The following ARHGAP15 variants were observed in gnomAD, a reference collection of about 807,000 sequenced individuals.
ARHGAP15 encodes rho GTPase-activating protein 15.
Under a neutral mutation model 63.7 loss-of-function variants are expected in ARHGAP15, and 51 were observed. That is an observed-to-expected ratio of 0.80 (90% CI 0.64 to 1.01). ARHGAP15 has a LOEUF of 1.01. Ranked by LOEUF, ARHGAP15 falls within the 50% of genes least tolerant of loss-of-function variation. The pLI, the probability that ARHGAP15 is intolerant of heterozygous loss-of-function variation, is 0.00. For missense variants in ARHGAP15, 560 were observed against 564.6 expected, an observed-to-expected ratio of 0.99 and a Z score of 0.08; for synonymous variants, 191 against 193.8, an observed-to-expected ratio of 0.99 and a Z score of 0.12.
intron 11 of ARHGAP15, among the ~76,000 whole-genome samples, chr2:143,563,542 A>G (rs1696108039): frequency 6.6e-6 from 1 of 152,212 alleles, no homozygotes; most frequent in Admixed American, 6.5e-5. Context: ...CTTCATGTTC[A>G]TTGGAGAAGG....
chr2:143,145,839 GGTGTGTGTGTGTGT>G (rs4008348), intron 1 of ARHGAP15, among the ~76,000 whole-genome samples: 47 of 142,822 alleles, frequency 3.3e-4, no homozygotes, highest in Non-Finnish European at 5.3e-4. Flanking sequence ...TATGTATAGG[GGTGTGTGTGTGTGT>G]GTGTGTGTGT....
At chr2:143,737,719 CTATTTATTTTATTTATT>C (rs1174783144) in intron 13 of ARHGAP15, among the ~76,000 whole-genome samples, 1 of 146,796 alleles carries the variant, frequency 6.8e-6, no homozygotes, top group African/African-American at 2.6e-5. Context: ...CTTTTGAAAC[CTATTTATTTTATTTATT>C]TATTTATTTA....
intron 6 of ARHGAP15, among the ~76,000 whole-genome samples, chr2:143,412,478 T>C (rs186225049): frequency 6.6e-6 from 1 of 152,316 alleles, no homozygotes; most frequent in African/African-American, 2.4e-5. Flanking sequence ...CAAATTGTTA[T>C]TGAGGATGAG....
At chr2:143,346,162 ACACACACACACTCTCTCTCT>A (rs1399821631) in intron 6 of ARHGAP15, among the ~76,000 whole-genome samples, 5 of 110,864 alleles carry the variant, frequency 4.5e-5, no homozygotes, top group South Asian at 2.5e-4. Flanking sequence ...GAGCACACAC[ACACACACACACTCTCTCTCT>A]CACACACACA....
intron 9 of ARHGAP15, among the ~76,000 whole-genome samples, chr2:143,509,810 C>T (rs1037477917): frequency 6.6e-6 from 1 of 151,922 alleles, no homozygotes; most frequent in Admixed American, 6.6e-5. Context: ...ATCACGAGCT[C>T]GGGAGCTCGA....
At chr2:143,248,624 A>G (rs1379861240) in intron 5 of ARHGAP15, among the ~76,000 whole-genome samples, 6 of 152,300 alleles carry the variant, frequency 3.9e-5, no homozygotes, top group Admixed American at 1.3e-4. Context: ...TACCTCATAC[A>G]GTTGTGAATG....
intron 1 of ARHGAP15, among the ~76,000 whole-genome samples, chr2:143,153,843 T>TTCTTCTTCCTCTTCC: frequency 1.2e-5 from 1 of 86,892 alleles, no homozygotes; most frequent in African/African-American, 4.8e-5. Flanking sequence ...CTTCTTCTTC[T>TTCTTCTTCCTCTTCC]TCCTCCTCCT....
At position 143,768,238 on chromosome 2, in the gene ARHGAP15, A is replaced by AAAC; in HGVS notation, c.*68_*70dup. 1 of 1,471,162 alleles carries AAAC rather than the reference A, an allele frequency of 6.8e-7. No individual in the cohort carries two copies. Among genetic ancestry groups the AAAC allele is most frequent in the Admixed American group, 2.4e-5 (1 of 42,230 alleles). The allele number at this position is 1,471,162 out of a possible 1,614,324, so 91.1% of individuals were successfully genotyped here. On this transcript the variant is annotated 3_prime_UTR_variant, in exon 14 of 14. Transcript: ENST00000295095. ...ATGCCTAATATTTTTACATTTCTGT[A>AAAC]AACATATTTCTGAAATATTTTTTGC...
At chr2:143,639,611 C>A (rs1680509761) in intron 12 of ARHGAP15, among the ~76,000 whole-genome samples, 1 of 152,082 alleles carries the variant, frequency 6.6e-6, no homozygotes, top group African/African-American at 2.4e-5. Flanking sequence ...AAAGAAGGCA[C>A]TATGTCCTTA....
intron 2 of ARHGAP15, among the ~76,000 whole-genome samples, chr2:143,172,410 G>A (rs575153513): frequency 6.6e-6 from 1 of 152,174 alleles, no homozygotes; most frequent in Admixed American, 6.6e-5. Context: ...AGGATTTTAA[G>A]CACATAAGTC....
intron 6 of ARHGAP15, among the ~76,000 whole-genome samples, chr2:143,294,209 T>C (rs982580750): frequency 1.3e-5 from 2 of 152,070 alleles, no homozygotes; most frequent in Admixed American, 1.3e-4. Context: ...CACCAACCTA[T>C]TATGCAAGCG....
intron 8 of ARHGAP15, among the ~76,000 whole-genome samples, chr2:143,467,408 C>A (rs1380631973): frequency 6.6e-6 from 1 of 151,750 alleles, no homozygotes; most frequent in African/African-American, 2.4e-5. Context: ...GTTAGACTTT[C>A]AATTATTTGG....
intron 10 of ARHGAP15, among the ~76,000 whole-genome samples, chr2:143,536,951 C>T (rs552314742): frequency 1.3e-4 from 20 of 151,942 alleles, no homozygotes; most frequent in South Asian, 4.2e-4. Context: ...ATCACCACAC[C>T]GACTTCCACA....
chr2:143,217,672 C>A lies in ARHGAP15; in HGVS notation c.296+1227C>A, dbSNP rs563585631. On this transcript the variant is annotated intron_variant, in intron 4 of 13. Transcript: ENST00000295095. ...CTTTGAGTAGCCCAGCCCGAGTGCT[C>A]TCCTTTCCCCTAAACCTTATCATGA... is the stretch of plus-strand genomic sequence containing the variant. Among the ~76,000 whole-genome samples, 10 of 152,260 alleles carry A rather than the reference C, an allele frequency of 6.6e-5. No individual in the cohort carries two copies. The East Asian group carries it at 1.9e-3, about 29-fold the overall frequency.
intron 6 of ARHGAP15, among the ~76,000 whole-genome samples, chr2:143,379,174 C>T (rs1163384605): frequency 3.9e-5 from 6 of 151,964 alleles, no homozygotes; most frequent in Non-Finnish European, 1.5e-5. Flanking sequence ...CTTCCATGTA[C>T]ATGACTAAAC....
intron 6 of ARHGAP15, among the ~76,000 whole-genome samples, chr2:143,423,121 G>A (rs1400886087): frequency 6.6e-6 from 1 of 152,108 alleles, no homozygotes. Context: ...GGGGCCCATG[G>A]AAGAGGTATT....
chr2:143,287,893 T>C (rs1682191042), intron 6 of ARHGAP15, among the ~76,000 whole-genome samples: 1 of 152,206 alleles, frequency 6.6e-6, no homozygotes, highest in Non-Finnish European at 1.5e-5. Flanking sequence ...ATCTCACCCC[T>C]GCAGGCTATG....
chr2:143,504,091 GA>G (rs1427256869), intron 9 of ARHGAP15, among the ~76,000 whole-genome samples: 6 of 152,130 alleles, frequency 3.9e-5, no homozygotes, highest in Non-Finnish European at 5.9e-5. Flanking sequence ...AAAAATGGGT[GA>G]GACATTTGAG....
chr2:143,458,248 TAATC>T (rs1245798402), intron 8 of ARHGAP15, among the ~76,000 whole-genome samples: 29 of 152,136 alleles, frequency 1.9e-4, no homozygotes, highest in Non-Finnish European at 1.0e-4. Flanking sequence ...AGCACACAAA[TAATC>T]AGTGAGTAAA....
Sources: allele counts gnomAD v4.1 joint callset (sites outside exome capture counted in the v4.1 genomes callset), GRCh38; gene constraint gnomAD v4.1.1; transcripts MANE v1.5; gene names NCBI Gene and HGNC (gene_info 2026-07-23, HGNC 2026-07-21).